AGRN: variants seen among roughly 807,000 people sequenced by gnomAD.
AGRN encodes the protein agrin.
A neutral mutation model predicts 211.0 loss-of-function variants in AGRN; 106 were observed. The ratio of observed to expected loss-of-function variants is 0.50; its 90% CI spans 0.43 to 0.59. AGRN has a LOEUF of 0.59. Ranked by LOEUF, AGRN falls within the 20% of genes least tolerant of loss-of-function variation. The probability of loss-of-function intolerance (pLI) is 0.00; values close to 1 mark genes in which losing one functional copy is unlikely to be tolerated. For synonymous variants in AGRN, 1,525 were observed against 1,332.5 expected, an observed-to-expected ratio of 1.14 and a Z score of -3.15; for missense variants, 3,040 against 2,982.6, an observed-to-expected ratio of 1.02 and a Z score of -0.45.
Position 1,048,322 on chromosome 1 carries a change from C to G in AGRN, c.4062C>G (p.Thr1354=). 1 of 1,480,658 alleles carries G rather than the reference C, an allele frequency of 6.8e-7. No individual in the cohort carries two copies. Among genetic ancestry groups the G allele is most frequent in the East Asian group, 2.4e-5 (1 of 40,996 alleles). The allele number at this position is 1,480,658 out of a possible 1,614,324, so 91.7% of individuals were successfully genotyped here. The change falls in exon 23 of 36, where the codon ACC becomes ACG. Residue 1354 remains threonine, a synonymous_variant. Coordinates refer to ENST00000379370, the MANE Select transcript of AGRN (RefSeq NM_198576.4). This position sits in a 1 kb window ranked among gnomAD's most constrained non-coding sequence, Gnocchi z 5.9. ...CQDWALGGGF[T]CSCPAGRGGA... ...ACTGGGCATTGGGCGGGGGCTTCAC[C>G]TGCAGCTGCCCGGCAGGCAGGGGAG...
rs777883200 is a variant in AGRN, at chr1:1,042,082, C to T, written c.1304C>T (p.Thr435Met). The stretch of plus-strand genomic sequence containing the variant: ...CCCGTGTGTGCCCAGGACGGGCGCA[C>T]GTATGACAGTGATTGCTGGCGGCAG... ...YRPVCAQDGR[T>M]YDSDCWRQQA... Residue 435 changes from threonine to methionine, a missense_variant, in exon 7 of 36, where the codon ACG becomes ATG. Around this residue, in one of 3 missense-constraint regions of AGRN, gnomAD observed 1,498 missense variants for 1,457.8 expected, o/e 1.03. Transcript: ENST00000379370. 4.2e-5 allele frequency: 68 copies of T among 1,605,248 alleles called. 1 individual carries two copies. The highest frequency in any genetic ancestry group is 3.3e-5 in the South Asian group (3 of 91,030).
rs1645001303 is a variant in AGRN, at chr1:1,043,427, G to A, written c.1573G>A (p.Glu525Lys). 4 of 1,607,598 alleles carry A rather than the reference G, an allele frequency of 2.5e-6. No individual in the cohort carries two copies. Among genetic ancestry groups the A allele is most frequent in the Middle Eastern group, 1.7e-4 (1 of 6,050 alleles). ...LEATACTLGREIQVARKGPCD... is the reference protein window; with the variant it reads ...LEATACTLGRKIQVARKGPCD... ...GGCCACGGCCTGTACCCTCGGGCGGGAGATCCAGGTGGCGCGCAAAGGACC... is the reference window on the plus strand; with the variant it reads ...GGCCACGGCCTGTACCCTCGGGCGGAAGATCCAGGTGGCGCGCAAAGGACC... The change falls in exon 8 of 36, where the codon GAG (glutamate) becomes AAG (lysine). Residue 525 changes from glutamate (E) to lysine (K), a missense_variant. This residue lies in a region of AGRN where 1,498 missense variants were observed against 1,457.8 expected (regional missense o/e 1.03). Transcript: ENST00000379370.
chr1:1,047,597 G>C lies in AGRN; in HGVS notation c.3541G>C (p.Asp1181His), dbSNP rs1429568771. 1 of 1,613,000 alleles carries C rather than the reference G, an allele frequency of 6.2e-7. No homozygotes were observed. The highest frequency in any genetic ancestry group is 8.5e-7 in the Non-Finnish European group (1 of 1,180,034). ...STLDDLFRNS[D>H]VKKDFRSVRL... ...GCTGGACGACCTCTTCCGGAATTCAGACGTCAAGAAGGATTTTCGGAGTGT... is the reference window on the plus strand; with the variant it reads ...GCTGGACGACCTCTTCCGGAATTCACACGTCAAGAAGGATTTTCGGAGTGT... The change falls in exon 21 of 36, where the codon GAC (aspartate) becomes CAC (histidine). Residue 1181 changes from aspartate (D) to histidine (H), a missense_variant. This residue lies in a region of AGRN where 1,537 missense variants were observed against 1,505.0 expected (regional missense o/e 1.02). Transcript: ENST00000379370.
Position 1,045,388 on chromosome 1 carries a change from T to G in AGRN, c.2401T>G (p.Tyr801Asp). The change falls in exon 14 of 36, where the codon TAC becomes GAC. Residue 801 changes from tyrosine (Y) to aspartate (D), a missense_variant. By Grantham distance (160) the Tyr-to-Asp change is radical. Transcript: ENST00000379370. ...CTGCCAGTGCAACCCCCATGGCTCT[T>G]ACGGCGGCACCTGTGACCCAGCCAC... Reference protein sequence around the residue: ...SACQCNPHGSYGGTCDPATGQ... With the variant: ...SACQCNPHGSDGGTCDPATGQ... 1 of 1,611,048 alleles carries G rather than the reference T, an allele frequency of 6.2e-7. No homozygotes were observed. The highest frequency in any genetic ancestry group is 8.5e-7 in the Non-Finnish European group (1 of 1,179,794).
intron 35 of AGRN, 91 bp from the exon 36 acceptor site, chr1:1,054,733 G>T: frequency 2.6e-6 from 4 of 1,513,952 alleles, no homozygotes; most frequent in Non-Finnish European, 3.5e-6. Flanking sequence ...CGGGTGCCCA[G>T]GTGTGGGCCC....
rs1023027486 is a variant in AGRN at position 1,051,260 on chromosome 1, A to C, written c.5261A>C (p.His1754Pro). Residue 1754 changes from histidine to proline, a missense_variant, in exon 31 of 36, where the codon CAC becomes CCC. By Grantham distance (77) the His-to-Pro change is moderately conservative. Transcript: ENST00000379370. ...PRVLGESPVP[H>P]TVLNLKEPLY... ...TACCTGGCGTCCCCGCAGGTTCCGC[A>C]CACCGTCCTCAACCTGAAGGAGCCG... 1.9e-6 allele frequency: 3 copies of C among 1,581,634 alleles called. No homozygotes were observed. The African/African-American group carries it at 4.0e-5, about 21-fold the overall frequency.
At chr1:1,024,470 C>T (rs1644476106) in intron 2 of AGRN, among the ~76,000 whole-genome samples, 2 of 152,090 alleles carry the variant, frequency 1.3e-5, no homozygotes, top group African/African-American at 4.8e-5. Flanking sequence ...TCCGACCCCA[C>T]CTCCCAGGGC....
intron 17 of AGRN, 60 bp from the exon 18 acceptor site, chr1:1,046,337 G>A (rs969149719): frequency 2.1e-5 from 33 of 1,598,298 alleles, no homozygotes; most frequent in East Asian, 1.6e-4. Context: ...AGCCCCACCC[G>A]CCCTGAGCCA....
chr1:1,042,038 C>T lies in AGRN; in HGVS notation c.1260C>T (p.Thr420=). Reference sequence around the variant, plus strand: ...CCCGCTGCTCCTGCGACCGCGTCACCTGTGACGGGGCCTACAGGCCCGTGT... The same window carrying T: ...CCCGCTGCTCCTGCGACCGCGTCACTTGTGACGGGGCCTACAGGCCCGTGT... ...GRPRCSCDRV[T]CDGAYRPVCA... The change falls in exon 7 of 36, where the codon ACC becomes ACT. Residue 420 remains threonine (T), a synonymous_variant. Transcript: ENST00000379370. 6.2e-7 allele frequency: 1 copy of T among 1,609,822 alleles called. No homozygotes were observed. Among genetic ancestry groups the T allele is most frequent in the Non-Finnish European group, 8.5e-7 (1 of 1,179,638 alleles).
rs964240044 is a variant in AGRN, at chr1:1,050,828, G to C, written c.5244G>C (p.Gly1748=). The change falls in exon 30 of 36, where the codon GGG becomes GGC. Residue 1748 remains glycine (G), a synonymous_variant. Coordinates refer to ENST00000379370, the MANE Select transcript of AGRN (RefSeq NM_198576.4). ...TGGGCGACGGCCCCCGTGTGTTGGG[G>C]GAGTCCCCGGTGAGTGCTCTGGGCC... The part of the protein sequence containing the change: ...LRVGDGPRVL[G]ESPVPHTVLN... The C allele has an allele frequency of 1.3e-6, 2 of 1,577,830 alleles. No homozygotes were observed. The highest frequency in any genetic ancestry group is 2.3e-5 in the South Asian group (2 of 87,352).
chr1:1,044,519 G>T, intron 12 of AGRN, 80 bp downstream of exon 12: 2 of 1,395,338 alleles, frequency 1.4e-6, no homozygotes, highest in South Asian at 1.2e-5. Flanking sequence ...GCGTGCCCGT[G>T]TGCTGCGTTG....
At chr1:1,051,004 G>A in intron 30 of AGRN, 167 bp downstream of exon 30, 3 of 1,549,894 alleles carry the variant, frequency 1.9e-6, no homozygotes, top group Non-Finnish European at 2.6e-6. Flanking sequence ...CTCTCGCTCT[G>A]CAACCCCACC....
intron 33 of AGRN, chr1:1,052,257 C>T (rs760399375): frequency 8.5e-5 from 31 of 366,376 alleles, no homozygotes; most frequent in South Asian, 4.5e-4. Flanking sequence ...CACACCTGTG[C>T]GCATATGCAT....
rs199963653 is a variant in AGRN at position 1,043,703 on chromosome 1, G to A, written c.1769G>A (p.Ser590Asn). ...LHVHACTHQI[S>N]LHVASAGPCE... ...GTGCACGCCTGCACACACCAGATCA[G>A]CCTGCACGTGGCCTCAGCTGGACCC... The change falls in exon 9 of 36, where the codon AGC (serine) becomes AAC (asparagine). Residue 590 changes from serine (S) to asparagine (N), a missense_variant. Ser to Asn is a conservative substitution (Grantham distance 46). Around this residue, in one of 3 missense-constraint regions of AGRN, gnomAD observed 1,498 missense variants for 1,457.8 expected, o/e 1.03. Coordinates refer to ENST00000379370, the MANE Select transcript of AGRN (RefSeq NM_198576.4). 37 of 1,600,624 alleles carry A rather than the reference G, an allele frequency of 2.3e-5. No individual in the cohort carries two copies. The highest frequency in any genetic ancestry group is 4.5e-5 in the East Asian group (2 of 44,866).
At chr1:1,026,244 C>T (rs958927055) in intron 2 of AGRN, among the ~76,000 whole-genome samples, 4 of 152,190 alleles carry the variant, frequency 2.6e-5, no homozygotes, top group African/African-American at 9.7e-5. Context: ...ACACTGGCCG[C>T]TCTGGTGGGG....
At chr1:1,033,632 G>A (rs1186408761) in intron 2 of AGRN, among the ~76,000 whole-genome samples, 4 of 45,624 alleles carry the variant, frequency 8.8e-5, no homozygotes, top group Non-Finnish European at 1.8e-4. Flanking sequence ...CCCACCCCCG[G>A]CCCAGCCCCA....
At chr1:1,020,962 C>G (rs1376170123) in intron 1 of AGRN, among the ~76,000 whole-genome samples, 2 of 151,904 alleles carry the variant, frequency 1.3e-5, no homozygotes, top group African/African-American at 2.4e-5. Context: ...CTCCCCACCC[C>G]GGGGAGGGGA....
In AGRN at chr1:1,048,239, C is replaced by A; in HGVS notation, c.3979C>A (p.Gln1327Lys). The A allele has an allele frequency of 6.5e-7, 1 of 1,544,546 alleles. No homozygotes were observed. Among genetic ancestry groups the A allele is most frequent in the Non-Finnish European group, 8.7e-7 (1 of 1,143,938 alleles). ...RVPGRRPPAP[Q>K]QPPKPCDSQP... Reference sequence around the variant, plus strand: ...GCCCGGACGTCGGCCCCCGGCCCCCCAGCAGCCTCCAAAGCCCTGTGACTC... The same window carrying A: ...GCCCGGACGTCGGCCCCCGGCCCCCAAGCAGCCTCCAAAGCCCTGTGACTC... Residue 1327 changes from glutamine (Q) to lysine (K), a missense_variant, in exon 23 of 36, where the codon CAG (glutamine) becomes AAG (lysine). By Grantham distance (53) the Gln-to-Lys change is moderately conservative. Around this residue, in one of 3 missense-constraint regions of AGRN, gnomAD observed 1,537 missense variants for 1,505.0 expected, o/e 1.02. Transcript: ENST00000379370. The surrounding 1 kb of genome is among the most constrained non-coding windows in gnomAD (Gnocchi z 5.9).
At chr1:1,054,009 T>C in intron 34 of AGRN, 32 bp downstream of exon 34, 1 of 1,557,006 alleles carries the variant, frequency 6.4e-7, no homozygotes, top group South Asian at 1.2e-5. Flanking sequence ...CCGAGAATAG[T>C]GGCGAGGGCT....
Sources: gnomAD v4.1 joint callset for allele counts (sites outside exome capture counted in the v4.1 genomes callset) on GRCh38, gnomAD v4.1.1 for gene constraint, gnomAD v4.1.1 regional missense constraint, Gnocchi (gnomAD v3.1) non-coding constraint, MANE v1.5 for transcripts, NCBI Gene and HGNC (gene_info 2026-07-23, HGNC 2026-07-21) for gene names.